ATF6: variants seen among roughly 807,000 people sequenced by gnomAD.
The protein encoded by ATF6 is cyclic AMP-dependent transcription factor ATF-6 alpha.
A neutral mutation model predicts 83.6 loss-of-function variants in ATF6; 53 were observed. The ratio of observed to expected loss-of-function variants is 0.63; its 90% CI spans 0.51 to 0.80. The LOEUF is 0.80. Ranked by LOEUF, ATF6 falls within the 30% of genes least tolerant of loss-of-function variation. The pLI is 0.00. For missense variants in ATF6, 744 were observed against 797.9 expected (o/e 0.93, Z 0.81); for synonymous variants, 288 against 285.8 (o/e 1.01, Z -0.08).
intron 7 of ATF6, among the ~76,000 whole-genome samples, chr1:161,816,634 G>A (rs1457751485): frequency 5.3e-5 from 8 of 152,138 alleles, no homozygotes; most frequent in Non-Finnish European, 1.2e-4. Flanking sequence ...ATTTCAACAA[G>A]AGGAGATTAA....
At position 161,797,709 on chromosome 1, in the gene ATF6, A is replaced by G. The variant is rs1685053831; in HGVS notation, c.689-4343A>G. On this transcript the variant is annotated intron_variant, in intron 6 of 15. Transcript: ENST00000367942. The stretch of plus-strand genomic sequence containing the variant: ...GGAAAAACATTCCATGCTCATGGAT[A>G]GGAAGAATCGATAGTGTTAAAATGG... 1.3e-5 allele frequency among the ~76,000 whole-genome samples: 2 copies of G among 152,230 alleles called. 1 individual carries two copies. Among genetic ancestry groups the G allele is most frequent in the South Asian group, 4.1e-4 (2 of 4,824 alleles).
chr1:161,766,571 C>T, intron 1 of ATF6, 129 bp downstream of exon 1: 1 of 716,450 alleles, frequency 1.4e-6, no homozygotes, highest in Non-Finnish European at 2.3e-6. Flanking sequence ...CCCCTCGTCA[C>T]TCCTGTTCGT....
intron 1 of ATF6, 38 bp from the exon 2 acceptor site, chr1:161,778,206 A>C (rs762811705): frequency 3.2e-6 from 5 of 1,541,292 alleles, no homozygotes; most frequent in Non-Finnish European, 4.5e-6. Flanking sequence ...AAATAATTGA[A>C]TTGACAGTTC....
chr1:161,833,918 ACTC>A (rs1686141974), intron 9 of ATF6, among the ~76,000 whole-genome samples: 1 of 152,062 alleles, frequency 6.6e-6, no homozygotes, highest in African/African-American at 2.4e-5. Context: ...CCACAAAGAT[ACTC>A]CTCGAGAAGA....
chr1:161,798,068 G>T (rs1685062351), intron 6 of ATF6, among the ~76,000 whole-genome samples: 2 of 152,258 alleles, frequency 1.3e-5, no homozygotes, highest in Non-Finnish European at 2.9e-5. Context: ...GGAAAGGACT[G>T]CCTATTCAAT....
rs111744179 is a variant in ATF6 at position 161,807,153 on chromosome 1, A to G, written c.909+4881A>G. Among the ~76,000 whole-genome samples, 1,510 of 152,320 alleles carry G rather than the reference A, an allele frequency of 9.9e-3. 8 individuals are homozygous for G. The highest frequency in any genetic ancestry group is 0.017 in the South Asian group (84 of 4,828). On this transcript the variant is annotated intron_variant, in intron 7 of 15. Transcript: ENST00000367942. ...GGACCTTGCATTCTTTGCATACCCA[A>G]TAAGACGTGTAGGAGCAAAACTCAT... is the stretch of plus-strand genomic sequence containing the variant.
At chr1:161,812,626 T>C (rs1006962199) in intron 7 of ATF6, among the ~76,000 whole-genome samples, 5 of 152,024 alleles carry the variant, frequency 3.3e-5, no homozygotes, top group Admixed American at 2.6e-4. Context: ...TCTCCTGACC[T>C]CGTGATCCAC....
intron 14 of ATF6, among the ~76,000 whole-genome samples, chr1:161,863,971 G>T (rs895925229): frequency 2.1e-4 from 32 of 152,168 alleles, no homozygotes; most frequent in African/African-American, 7.2e-4. Flanking sequence ...TCATAGAATT[G>T]CCATGTGAAT....
chr1:161,896,078 A>G (rs952486751), intron 14 of ATF6, among the ~76,000 whole-genome samples: 1 of 152,212 alleles, frequency 6.6e-6, no homozygotes, highest in African/African-American at 2.4e-5. Context: ...GAAATTATCC[A>G]TGGGAAGCCA....
chr1:161,819,604 G>A (rs1685700408), intron 7 of ATF6, 29 bp from the exon 8 acceptor site: 1 of 1,505,286 alleles, frequency 6.6e-7, no homozygotes, highest in Non-Finnish European at 8.9e-7. Context: ...TAAAACCAGG[G>A]TATTCTGATT....
Position 161,846,599 on chromosome 1 carries a change from A to C in ATF6, c.1319+19A>C. ...GCTACAGGTAAGATGGCATGCATCT[A>C]TCTTTTGGCCTAAGTGATTTAATGA... On this transcript the variant is annotated intron_variant, in intron 10 of 15. Transcript: ENST00000367942. 1 of 1,588,112 alleles carries C rather than the reference A, an allele frequency of 6.3e-7. No individual in the cohort carries two copies. The highest frequency in any genetic ancestry group is 1.1e-5 in the South Asian group (1 of 87,480).
At chr1:161,870,821 A>G (rs1314996138) in intron 14 of ATF6, among the ~76,000 whole-genome samples, 2 of 151,868 alleles carry the variant, frequency 1.3e-5, no homozygotes. Context: ...ACTCAAGAAT[A>G]ATACGAAGTC....
At chr1:161,868,485 C>T (rs1687057347) in intron 14 of ATF6, among the ~76,000 whole-genome samples, 1 of 152,046 alleles carries the variant, frequency 6.6e-6, no homozygotes, top group African/African-American at 2.4e-5. Flanking sequence ...ATCTTCTCAT[C>T]TATATGATAA....
At chr1:161,833,986 G>A (rs1048745087) in intron 9 of ATF6, among the ~76,000 whole-genome samples, 4 of 152,160 alleles carry the variant, frequency 2.6e-5, no homozygotes, top group Admixed American at 1.3e-4. Context: ...GAAGGAAAAA[G>A]TGTTAAGGGC....
At chr1:161,912,036 A>C (rs1381879674) in intron 14 of ATF6, among the ~76,000 whole-genome samples, 2 of 152,188 alleles carry the variant, frequency 1.3e-5, no homozygotes, top group Non-Finnish European at 2.9e-5. Flanking sequence ...GTGGTGCTAC[A>C]GCATATGTGT....
At chr1:161,816,244 G>T (rs1189367776) in intron 7 of ATF6, among the ~76,000 whole-genome samples, 2 of 152,218 alleles carry the variant, frequency 1.3e-5, no homozygotes, top group African/African-American at 4.8e-5. Flanking sequence ...GACCTGGCCA[G>T]CTGTTCGCTT....
At chr1:161,817,469 TAATC>T (rs1409998814) in intron 7 of ATF6, among the ~76,000 whole-genome samples, 2 of 152,254 alleles carry the variant, frequency 1.3e-5, no homozygotes, top group East Asian at 1.9e-4. Context: ...ATTTGGTGAA[TAATC>T]AATCCATCAT....
chr1:161,904,594 C>T (rs1012290596), intron 14 of ATF6, among the ~76,000 whole-genome samples: 2 of 150,288 alleles, frequency 1.3e-5, no homozygotes, highest in Admixed American at 6.6e-5. Context: ...TAAAACAAAA[C>T]AAAACAAAAA....
chr1:161,878,611 C>A (rs1046263383), intron 14 of ATF6, among the ~76,000 whole-genome samples: 19 of 151,700 alleles, frequency 1.3e-4, no homozygotes, highest in African/African-American at 4.4e-4. Flanking sequence ...GGTTCAGGAC[C>A]AAATTAGATT....
Sources: gnomAD v4.1 joint callset for allele counts (sites outside exome capture counted in the v4.1 genomes callset) on GRCh38, gnomAD v4.1.1 for gene constraint, MANE v1.5 for transcripts, NCBI Gene and HGNC (gene_info 2026-07-23, HGNC 2026-07-21) for gene names.